Variants in OCA2 observed in about 807,000 individuals in gnomAD.
The protein encoded by OCA2 is P protein.
Under a neutral mutation model 100.2 loss-of-function variants are expected in OCA2, and 77 were observed. That is an observed-to-expected ratio of 0.77 (90% CI 0.64 to 0.93). The LOEUF is 0.93. OCA2 is among the 40% of genes least tolerant of loss of function. OCA2 has a pLI of 0.00. For synonymous variants in OCA2, 432 were observed against 439.2 expected, an observed-to-expected ratio of 0.98 and a Z score of 0.21; for missense variants, 1,062 against 1,089.1, an observed-to-expected ratio of 0.98 and a Z score of 0.35.
chr15:27,733,984 A>T, the OCA2 span, among the ~76,000 whole-genome samples: 2 of 151,794 alleles, frequency 1.3e-5, no homozygotes, highest in Admixed American at 1.3e-4. Context: ...ACATGGTGAA[A>T]CCCCGTCTCT....
At position 28,028,831 on chromosome 15, in the gene OCA2, G is replaced by A. The variant is rs75797455; in HGVS notation, c.327-772C>T. On this transcript the variant is annotated intron_variant, in intron 3 of 23. Coordinates refer to ENST00000354638, the MANE Select transcript of OCA2 (RefSeq NM_000275.3). ...CTCCCCAGTAGCTGGGCTTACAGGC[G>A]TGCACCACCATGCCCAACTAATTTT... is the stretch of plus-strand genomic sequence containing the variant. 3.4e-4 allele frequency among the ~76,000 whole-genome samples: 52 copies of A among 152,136 alleles called. No individual in the cohort carries two copies. The East Asian group carries it at 5.8e-3, about 17-fold the overall frequency.
chr15:27,772,564 C>T (rs938081061), intron 23 of OCA2, among the ~76,000 whole-genome samples: 4 of 152,078 alleles, frequency 2.6e-5, no homozygotes, highest in African/African-American at 7.2e-5. Flanking sequence ...GAGAACTGGC[C>T]GGGCACGGTG....
intron 9 of OCA2, among the ~76,000 whole-genome samples, chr15:27,991,457 T>C (rs1305115984): frequency 2.0e-5 from 3 of 152,138 alleles, no homozygotes; most frequent in Non-Finnish European, 4.4e-5. Flanking sequence ...GAAGTGATGC[T>C]GGGGAAAGAA....
intron 23 of OCA2, among the ~76,000 whole-genome samples, chr15:27,786,018 T>C (rs2032798611): frequency 6.6e-6 from 1 of 152,234 alleles, no homozygotes; most frequent in Admixed American, 6.5e-5. Flanking sequence ...TTCTATTTAT[T>C]TGAAATATCT....
chr15:28,006,022 T>C (rs372007788), intron 9 of OCA2, among the ~76,000 whole-genome samples: 2 of 152,158 alleles, frequency 1.3e-5, no homozygotes, highest in Non-Finnish European at 2.9e-5. Context: ...TGGGGAACTT[T>C]GGGCAAGTGG....
chr15:27,944,991 G>A (rs1430475120), intron 18 of OCA2, among the ~76,000 whole-genome samples: 3 of 152,156 alleles, frequency 2.0e-5, no homozygotes, highest in African/African-American at 7.2e-5. Context: ...GACGACCTAG[G>A]AGAGCAGCGA....
At chr15:28,060,389 CA>C (rs2043836180) in intron 2 of OCA2, among the ~76,000 whole-genome samples, 1 of 152,202 alleles carries the variant, frequency 6.6e-6, no homozygotes, top group Non-Finnish European at 1.5e-5. Flanking sequence ...GCTTGAAATA[CA>C]AAATGAGCAA....
At chr15:28,081,543 A>G (rs1437874959) in intron 2 of OCA2, 105 bp downstream of exon 2, 34 of 1,191,958 alleles carry the variant, frequency 2.9e-5, no homozygotes, top group Non-Finnish European at 3.3e-5. Flanking sequence ...AATTCTTGCA[A>G]AATTTCTGGA....
At chr15:27,747,202 G>A in the OCA2 span, among the ~76,000 whole-genome samples, 2 of 152,178 alleles carry the variant, frequency 1.3e-5, no homozygotes, top group Non-Finnish European at 2.9e-5. Context: ...GCCAGTGCAG[G>A]TGAGGTATGG....
intron 2 of OCA2, among the ~76,000 whole-genome samples, chr15:28,055,608 T>C (rs1203363367): frequency 6.6e-6 from 1 of 152,202 alleles, no homozygotes; most frequent in Non-Finnish European, 1.5e-5. Context: ...ATGTGTGGAA[T>C]GCTGTGGGGC....
chr15:27,931,417 C>A (rs1207407180), intron 18 of OCA2, among the ~76,000 whole-genome samples: 1 of 152,116 alleles, frequency 6.6e-6, no homozygotes, highest in African/African-American at 2.4e-5. Flanking sequence ...TCACTGCAAC[C>A]TTTGCCTCCC....
chr15:27,873,334 G>A (rs1485600443), intron 19 of OCA2, among the ~76,000 whole-genome samples: 1 of 152,180 alleles, frequency 6.6e-6, no homozygotes, highest in Non-Finnish European at 1.5e-5. Flanking sequence ...CTGTCCTCTG[G>A]GGGAGTAAAA....
At chr15:27,930,466 G>A (rs992939701) in intron 18 of OCA2, among the ~76,000 whole-genome samples, 1 of 151,688 alleles carries the variant, frequency 6.6e-6, no homozygotes, top group South Asian at 2.1e-4. Context: ...TATAGTCCAT[G>A]GGTCAAATCT....
At chr15:27,885,696 C>T (rs1458898410) in intron 19 of OCA2, among the ~76,000 whole-genome samples, 7 of 152,268 alleles carry the variant, frequency 4.6e-5, no homozygotes, top group South Asian at 2.1e-4. Context: ...ATTTCAAAAA[C>T]GTGCAGTCCT....
chr15:28,092,857 G>C (rs551418669), intron 1 of OCA2, among the ~76,000 whole-genome samples: 3 of 152,290 alleles, frequency 2.0e-5, no homozygotes, highest in African/African-American at 7.2e-5. Context: ...AACTTCCTCA[G>C]ACCTATTAAA....
intron 23 of OCA2, among the ~76,000 whole-genome samples, chr15:27,839,790 G>C (rs2035280524): frequency 6.6e-6 from 1 of 152,170 alleles, no homozygotes; most frequent in Non-Finnish European, 1.5e-5. Context: ...AAATGACCTA[G>C]TATAATCATT....
At chr15:27,778,470 T>A (rs1276899092) in intron 23 of OCA2, among the ~76,000 whole-genome samples, 11 of 152,232 alleles carry the variant, frequency 7.2e-5, no homozygotes, top group Non-Finnish European at 1.3e-4. Context: ...TCAGTTACCC[T>A]GGGCCCCTTT....
Position 27,966,838 on chromosome 15 carries a change from G to C in OCA2, c.1504-16C>G. On this transcript the variant is annotated splice_polypyrimidine_tract_variant and intron_variant, in intron 14 of 23. Transcript: ENST00000354638. ...AGTCCAGGCCCTGGAAATAAACAAGGGGAAATGAAATGGCAGCCCAGGCAT... is the reference window on the plus strand; with the variant it reads ...AGTCCAGGCCCTGGAAATAAACAAGCGGAAATGAAATGGCAGCCCAGGCAT... 1 of 1,604,288 alleles carries C rather than the reference G, an allele frequency of 6.2e-7. No homozygotes were observed. Among genetic ancestry groups the C allele is most frequent in the Non-Finnish European group, 8.5e-7 (1 of 1,175,290 alleles).
At chr15:27,859,776 T>A (rs974478334) in intron 21 of OCA2, among the ~76,000 whole-genome samples, 4 of 152,070 alleles carry the variant, frequency 2.6e-5, no homozygotes, top group Non-Finnish European at 5.9e-5. Flanking sequence ...ATACCAACGT[T>A]CTTACAGGAA....
Sources: allele counts gnomAD v4.1 joint callset (sites outside exome capture counted in the v4.1 genomes callset), GRCh38; gene constraint gnomAD v4.1.1; transcripts MANE v1.5; gene names NCBI Gene and HGNC (gene_info 2026-07-23, HGNC 2026-07-21).